PSG6: variants seen among roughly 807,000 people sequenced by gnomAD.
PSG6 encodes pregnancy specific beta-1-glycoprotein 6.
Under a neutral mutation model 43.3 loss-of-function variants are expected in PSG6, and 51 were observed. That is an observed-to-expected ratio of 1.18 (90% CI 0.94 to 1.49). The LOEUF (loss-of-function observed/expected upper bound fraction) is 1.49. PSG6 is among the 40% of genes most tolerant of loss of function. The pLI is 0.00. For synonymous variants in PSG6, 292 were observed against 197.6 expected, an observed-to-expected ratio of 1.48 and a Z score of -4.01; for missense variants, 770 against 522.2, an observed-to-expected ratio of 1.47 and a Z score of -4.62.
chr19:42,917,678 C>A (rs541539954), intron 1 of PSG6, 51 bp downstream of exon 1: 1 of 1,601,148 alleles, frequency 6.2e-7, no homozygotes, highest in East Asian at 2.3e-5. Context: ...ATACCCCATC[C>A]AGTCACTCTG....
Position 42,917,757 on chromosome 19 carries a change from G to A in PSG6, c.36C>T (p.His12=), listed in dbSNP as rs1568449328. Reference sequence around the variant, plus strand: ...TGAGCAGGAGCCCCTTCCAGGTGATGTGCTGAGTGCAGGGAGGGGCTGAGA... The same window carrying A: ...TGAGCAGGAGCCCCTTCCAGGTGATATGCTGAGTGCAGGGAGGGGCTGAGA... ...GPLSAPPCTQ[H]ITWKGLLLTA... Residue 12 remains histidine (H), a synonymous_variant, in exon 1 of 6, where the codon CAC becomes CAT. Coordinates refer to ENST00000187910, the MANE Select transcript of PSG6 (RefSeq NM_001031850.4). The A allele has an allele frequency of 1.2e-6, 2 of 1,610,276 alleles. No homozygotes were observed. Among genetic ancestry groups the A allele is most frequent in the African/African-American group, 2.7e-5 (2 of 74,664 alleles).
chr19:42,906,452 G>C (rs1365123046), intron 5 of PSG6, among the ~76,000 whole-genome samples: 2 of 151,558 alleles, frequency 1.3e-5, no homozygotes, highest in African/African-American at 4.8e-5. Flanking sequence ...AGAGCAGGAA[G>C]CAGAGTCTGA....
chr19:42,913,774 G>T (rs556336829), intron 2 of PSG6, among the ~76,000 whole-genome samples: 23 of 151,718 alleles, frequency 1.5e-4, no homozygotes, highest in African/African-American at 5.1e-4. Flanking sequence ...TATGCCTAAT[G>T]GCTCAGCCAG....
chr19:42,916,589 A>G, intron 1 of PSG6, 102 bp from the exon 2 acceptor site: 1 of 1,452,732 alleles, frequency 6.9e-7, no homozygotes, highest in Non-Finnish European at 9.3e-7. Flanking sequence ...ATCAGCCTTG[A>G]AGATATGCAC....
At chr19:42,911,290 T>A (rs1286012482) in intron 2 of PSG6, among the ~76,000 whole-genome samples, 2 of 151,684 alleles carry the variant, frequency 1.3e-5, no homozygotes, top group East Asian at 3.9e-4. Context: ...AAGGACATCC[T>A]AGAGATGGAT....
rs557926439 is a variant in PSG6 at position 42,907,448 on chromosome 19, A to G, written c.985+128T>C. 9.8e-6 allele frequency: 15 copies of G among 1,529,436 alleles called. No homozygotes were observed. In the Admixed American group the frequency reaches 2.0e-4, roughly 21 times the overall value. The allele number at this position is 1,529,436 out of a possible 1,614,324, so 94.7% of individuals were successfully genotyped here. On this transcript the variant is annotated intron_variant, in intron 4 of 5. Transcript: ENST00000187910. ...CCAGGATTTCCCAGGGCAGGGAGTC[A>G]TGGCCAGGTCTGATGTCCAGAAGTA...
chr19:42,911,297 G>A (rs1177560267), intron 2 of PSG6, among the ~76,000 whole-genome samples: 5 of 151,598 alleles, frequency 3.3e-5, no homozygotes, highest in Non-Finnish European at 7.4e-5. Flanking sequence ...TCCTAGAGAT[G>A]GATGATGGAA....
chr19:42,913,415 G>T (rs1972265439), intron 2 of PSG6, among the ~76,000 whole-genome samples: 1 of 151,824 alleles, frequency 6.6e-6, no homozygotes, highest in African/African-American at 2.4e-5. Context: ...AAAGTGCTGG[G>T]ATTATAGGCG....
At chr19:42,908,215 T>A (rs1332716868) in intron 3 of PSG6, among the ~76,000 whole-genome samples, 2 of 151,548 alleles carry the variant, frequency 1.3e-5, no homozygotes, top group African/African-American at 2.4e-5. Context: ...CTGGGCCCCT[T>A]CCAAATTACA....
chr19:42,906,748 A>T lies in PSG6; in HGVS notation c.1240+174T>A, dbSNP rs142814872. 6 of 1,550,950 alleles carry T rather than the reference A, an allele frequency of 3.9e-6. No individual in the cohort carries two copies. The African/African-American group carries it at 8.3e-5, about 21-fold the overall frequency. ...AGGTCAGCCATGAGAAAACAGAAAA[A>T]CAAGCAGAAGAGAGTCTGTAGAGAT... On this transcript the variant is annotated intron_variant, in intron 5 of 5. Coordinates refer to ENST00000187910, the MANE Select transcript of PSG6 (RefSeq NM_001031850.4).
At position 42,907,721 on chromosome 19, in the gene PSG6, C is replaced by T. The variant is rs138530848; in HGVS notation, c.840G>A (p.Pro280=). Residue 280 remains proline, a synonymous_variant, in exon 4 of 6, where the codon CCG becomes CCA. Coordinates refer to ENST00000187910, the MANE Select transcript of PSG6 (RefSeq NM_001031850.4). ...TGGGTCGCTTTACCCTCGGACTGAC[C>T]GGGAGGCTCTGACCATTTAGCCACC... ...YIWWLNGQSL[P]VSPRVKRPIE... 42 of 1,610,592 alleles carry T rather than the reference C, an allele frequency of 2.6e-5. No homozygotes were observed. Among genetic ancestry groups the T allele is most frequent in the Admixed American group, 1.7e-4 (10 of 59,872 alleles).
chr19:42,907,509 G>A, intron 4 of PSG6, 67 bp downstream of exon 4: 1 of 1,598,328 alleles, frequency 6.3e-7, no homozygotes, highest in Middle Eastern at 2.1e-4. Flanking sequence ...GAGACTGAGA[G>A]GCCTGGCCTC....
At chr19:42,906,845 G>A (rs561681756) in intron 5 of PSG6, 77 bp downstream of exon 5, 10 of 1,609,558 alleles carry the variant, frequency 6.2e-6, no homozygotes, top group African/African-American at 1.3e-5. Flanking sequence ...GAATACAAAT[G>A]TTTTCCTGAC....
rs150108851 is a variant in PSG6 at position 42,907,682 on chromosome 19, T to G, written c.879A>C (p.Ile293=). 689 of 1,610,776 alleles carry G rather than the reference T, an allele frequency of 4.3e-4. 15 individuals carry two copies. The highest frequency in any genetic ancestry group is 1.5e-3 in the East Asian group (67 of 44,780). Residue 293 remains isoleucine (I), a synonymous_variant, in exon 4 of 6, where the codon ATA becomes ATC. Transcript: ENST00000187910. ...PRVKRPIENR[I]LILPSVTRNE... ...TTCTCGTGACACTGGGTAGAATGAG[T>G]ATCCTGTTTTCAATGGGTCGCTTTA...
rs1366811465 is a variant in PSG6 at position 42,917,490 on chromosome 19, A to AG, written c.64+238_64+239insC. 1.4e-4 allele frequency among the ~76,000 whole-genome samples: 21 copies of AG among 149,784 alleles called. 1 individual carries two copies. The highest frequency in any genetic ancestry group is 4.0e-4 in the Admixed American group (6 of 14,960). ...GTGATTATCCTGCCTCAGCCTCCCG[A>AG]AAGCTGGGATTACAGGAGCACACCA... On this transcript the variant is annotated intron_variant, in intron 1 of 5. Transcript: ENST00000187910.
Position 42,917,875 on chromosome 19 carries a change from G to T in PSG6, c.-83C>A, listed in dbSNP as rs1972369805. 1.6e-5 allele frequency: 24 copies of T among 1,518,234 alleles called. 1 individual carries two copies. The highest frequency in any genetic ancestry group is 1.7e-4 in the Middle Eastern group (1 of 5,738). The allele number at this position is 1,518,234 out of a possible 1,614,324, so 94.0% of individuals were successfully genotyped here. On this transcript the variant is annotated 5_prime_UTR_variant, in exon 1 of 6. Coordinates refer to ENST00000187910, the MANE Select transcript of PSG6 (RefSeq NM_001031850.4). ...CCTGAGCAGGGCTGTCAGGTGTGCTGTCCTTCCTCCTTCTGTGCTGAGCCT... is the reference window on the plus strand; with the variant it reads ...CCTGAGCAGGGCTGTCAGGTGTGCTTTCCTTCCTCCTTCTGTGCTGAGCCT...
Position 42,908,421 on chromosome 19 carries a change from G to T in PSG6, c.707-567C>A, listed in dbSNP as rs1400204368. 7.2e-5 allele frequency among the ~76,000 whole-genome samples: 11 copies of T among 151,746 alleles called. 1 individual carries two copies. Among genetic ancestry groups the T allele is most frequent in the Non-Finnish European group, 1.2e-4 (8 of 67,924 alleles). ...GCCTGTAGGTCAGTTCAGTCATCAG[G>T]CACTAGAGGCACCAGGTGGGGCAGT... On this transcript the variant is annotated intron_variant, in intron 3 of 5. Transcript: ENST00000187910.
chr19:42,917,825 A>T lies in PSG6; in HGVS notation c.-33T>A. Reference sequence around the variant, plus strand: ...GCTGTCTGTGTGTTCTCCCCTGTGGAGATGAGCCTAGGATCCAGAGACTTC... The same window carrying T: ...GCTGTCTGTGTGTTCTCCCCTGTGGTGATGAGCCTAGGATCCAGAGACTTC... On this transcript the variant is annotated 5_prime_UTR_variant, in exon 1 of 6. Transcript: ENST00000187910. The T allele has an allele frequency of 6.3e-7, 1 of 1,599,344 alleles. No individual in the cohort carries two copies. Among genetic ancestry groups the T allele is most frequent in the Non-Finnish European group, 8.5e-7 (1 of 1,171,740 alleles).
chr19:42,906,621 G>C, intron 5 of PSG6: 1 of 1,366,544 alleles, frequency 7.3e-7, no homozygotes, highest in East Asian at 2.6e-5. Context: ...GAAGCAACTT[G>C]ATCTTGAGGA....
Sources: gnomAD v4.1 joint callset for allele counts (sites outside exome capture counted in the v4.1 genomes callset) on GRCh38, gnomAD v4.1.1 for gene constraint, MANE v1.5 for transcripts, NCBI Gene and HGNC (gene_info 2026-07-23, HGNC 2026-07-21) for gene names.